Variants in PSMB9 observed in about 807,000 individuals in gnomAD.
The protein encoded by PSMB9 is proteasome subunit beta type-9.
PSMB9 carries 16 observed loss-of-function variants against 26.9 expected under a neutral mutation model. The observed-to-expected ratio is 0.59, with a 90% CI of 0.40 to 0.90. The LOEUF is 0.90. Ranked by LOEUF, PSMB9 falls within the 40% of genes least tolerant of loss-of-function variation. The pLI is 0.00. For synonymous variants in PSMB9, 91 were observed against 112.0 expected (o/e 0.81, Z 1.18); for missense variants, 253 against 292.2 (o/e 0.87, Z 0.98).
rs751085437 is a variant in PSMB9, at chr6:32,858,409, A to AT, written c.438dup (p.Gly147TrpfsTer17). On this transcript the variant is annotated frameshift_variant, in exon 5 of 6. Coordinates refer to ENST00000374859, the MANE Select transcript of PSMB9 (RefSeq NM_002800.5). LOFTEE classifies it high-confidence loss of function. This position sits in a 1 kb window ranked among gnomAD's most constrained non-coding sequence, Gnocchi z 5.2. Reference sequence around the variant, plus strand: ...AATGCTGACTCGACAGCCTTTTGCCATTGGTGGCTCCGGCAGCACCTTTAT... The same window carrying AT: ...AATGCTGACTCGACAGCCTTTTGCCATTTGGTGGCTCCGGCAGCACCTTTAT... The AT allele has an allele frequency of 6.2e-7, 1 of 1,612,994 alleles. No homozygotes were observed. Among genetic ancestry groups the AT allele is most frequent in the South Asian group, 1.1e-5 (1 of 91,076 alleles).
In PSMB9 at chr6:32,858,292, G is replaced by A. The variant is rs1582657138; in HGVS notation, c.391-72G>A. On this transcript the variant is annotated intron_variant, in intron 4 of 5. Coordinates refer to ENST00000374859, the MANE Select transcript of PSMB9 (RefSeq NM_002800.5). The surrounding 1 kb of genome is among the most constrained non-coding windows in gnomAD (Gnocchi z 5.2). ...AGATACCAGGGCTTCATTGCAGGGT[G>A]CAGAGACCACTTAATGTCTCAGTGG... 7.5e-6 allele frequency: 12 copies of A among 1,607,842 alleles called. No homozygotes were observed. Among genetic ancestry groups the A allele is most frequent in the African/African-American group, 4.0e-5 (3 of 74,914 alleles).
rs141395015 is a variant in PSMB9, at chr6:32,857,367, T to A, written c.233T>A (p.Met78Lys). ...GCTGATGCCCAAGCCGTGGCCGACA[T>A]GGCCGCCTACCAGCTGGAGCTCCAT... ...SAADAQAVADMAAYQLELHGI... is the reference protein window; with the variant it reads ...SAADAQAVADKAAYQLELHGI... The change falls in exon 3 of 6, where the codon ATG becomes AAG. Residue 78 changes from methionine to lysine, a missense_variant. By Grantham distance (95) the Met-to-Lys change is moderately conservative. Transcript: ENST00000374859. 2 of 1,612,698 alleles carry A rather than the reference T, an allele frequency of 1.2e-6. No individual in the cohort carries two copies. The highest frequency in any genetic ancestry group is 3.3e-5 in the Admixed American group (2 of 60,022).
chr6:32,857,437 C>T (rs1226735949), intron 3 of PSMB9, 43 bp downstream of exon 3: 2 of 1,592,766 alleles, frequency 1.3e-6, no homozygotes, highest in Non-Finnish European at 8.5e-7. Context: ...ACTAGAGCTC[C>T]CCCAACCTGC....
chr6:32,858,562 A>G lies in PSMB9; in HGVS notation c.532+57A>G. The G allele has an allele frequency of 6.2e-7, 1 of 1,609,312 alleles. No individual in the cohort carries two copies. The highest frequency in any genetic ancestry group is 8.5e-7 in the Non-Finnish European group (1 of 1,177,932). ...GGGCTTTGAAACATGGGAAGGAAGT[A>G]GATTATGAGGAACAGGAAGAGAAAT... On this transcript the variant is annotated intron_variant, in intron 5 of 5. Transcript: ENST00000374859. The surrounding 1 kb of genome is among the most constrained non-coding windows in gnomAD (Gnocchi z 5.2).
chr6:32,858,290 G>T lies in PSMB9; in HGVS notation c.391-74G>T. The T allele has an allele frequency of 6.2e-7, 1 of 1,607,982 alleles. No homozygotes were observed. Among genetic ancestry groups the T allele is most frequent in the Non-Finnish European group, 8.5e-7 (1 of 1,176,232 alleles). ...TGAGATACCAGGGCTTCATTGCAGGGTGCAGAGACCACTTAATGTCTCAGT... is the reference window on the plus strand; with the variant it reads ...TGAGATACCAGGGCTTCATTGCAGGTTGCAGAGACCACTTAATGTCTCAGT... On this transcript the variant is annotated intron_variant, in intron 4 of 5. Coordinates refer to ENST00000374859, the MANE Select transcript of PSMB9 (RefSeq NM_002800.5). This position sits in a 1 kb window ranked among gnomAD's most constrained non-coding sequence, Gnocchi z 5.2.
At position 32,854,222 on chromosome 6, in the gene PSMB9, T is replaced by A. The variant is rs1034254679; in HGVS notation, c.-8T>A. On this transcript the variant is annotated 5_prime_UTR_variant, in exon 1 of 6. In the 5' UTR this introduces an upstream ATG that the reference lacks. Transcript: ENST00000374859. The surrounding 1 kb of genome is among the most constrained non-coding windows in gnomAD (Gnocchi z 4.6). ...CCCAGGCGGCGAGGAGAGCGGTGCC[T>A]TGCAGGGATGCTGCGGGCGGGAGCA... is the stretch of plus-strand genomic sequence containing the variant. 1.9e-6 allele frequency: 3 copies of A among 1,545,584 alleles called. No homozygotes were observed. Among genetic ancestry groups the A allele is most frequent in the Non-Finnish European group, 2.6e-6 (3 of 1,146,348 alleles).
At chr6:32,856,426 G>A in intron 2 of PSMB9, 1 of 576,488 alleles carries the variant, frequency 1.7e-6, no homozygotes, top group Non-Finnish European at 3.1e-6. Flanking sequence ...TGTCCCAGTA[G>A]TGTACAGGGA....
At chr6:32,857,823 T>A (rs1771237625) in intron 3 of PSMB9, 182 bp from the exon 4 acceptor site, 1 of 680,168 alleles carries the variant, frequency 1.5e-6, no homozygotes, top group Non-Finnish European at 2.4e-6. Context: ...GAGTGAGCAA[T>A]TGAAAGCTTC....
rs563639885 is a variant in PSMB9, at chr6:32,854,493, C to T, written c.60+204C>T. The stretch of plus-strand genomic sequence containing the variant: ...TCGTCTAGAGTGTCCGTGAAGGGAA[C>T]AGGCACGCGAGGCTGGTGGAAAAAG... On this transcript the variant is annotated intron_variant, in intron 1 of 5. Coordinates refer to ENST00000374859, the MANE Select transcript of PSMB9 (RefSeq NM_002800.5). The surrounding 1 kb of genome is among the most constrained non-coding windows in gnomAD (Gnocchi z 4.6). Among the ~76,000 whole-genome samples, 1 of 152,252 alleles carries T rather than the reference C, an allele frequency of 6.6e-6. No individual in the cohort carries two copies.
chr6:32,857,699 G>C, intron 3 of PSMB9: 3 of 537,706 alleles, frequency 5.6e-6, no homozygotes, highest in Non-Finnish European at 9.8e-6. Flanking sequence ...ATATCAGGCA[G>C]TTACCATACG....
chr6:32,856,207 TGA>T lies in PSMB9; in HGVS notation c.128+4_128+5del. 1.2e-6 allele frequency: 2 copies of T among 1,610,962 alleles called. No individual in the cohort carries two copies. The highest frequency in any genetic ancestry group is 1.7e-6 in the Non-Finnish European group (2 of 1,178,330). ...TTCTGATTCCCGAGTGTCTGCAGGG[TGA>T]GTAAAAGTGAAGATGTATGCATTTG... On this transcript the variant is annotated splice_donor_region_variant and intron_variant, in intron 2 of 5. Transcript: ENST00000374859.
Position 32,854,415 on chromosome 6 carries a change from A to C in PSMB9, c.60+126A>C. The stretch of plus-strand genomic sequence containing the variant: ...GGAGCGCAGGGAGGTCGCCTGTAGC[A>C]GCCAGCGCTTGCAACCCGCAATGAG... On this transcript the variant is annotated intron_variant, in intron 1 of 5. Coordinates refer to ENST00000374859, the MANE Select transcript of PSMB9 (RefSeq NM_002800.5). This position sits in a 1 kb window ranked among gnomAD's most constrained non-coding sequence, Gnocchi z 4.6. 2 of 888,692 alleles carry C rather than the reference A, an allele frequency of 2.3e-6. No individual in the cohort carries two copies. Among genetic ancestry groups the C allele is most frequent in the Non-Finnish European group, 3.3e-6 (2 of 605,258 alleles). The allele number at this position is 888,692 out of a possible 1,614,324, so 55.1% of individuals were successfully genotyped here.
intron 1 of PSMB9, among the ~76,000 whole-genome samples, chr6:32,855,364 C>A (rs1771107372): frequency 6.6e-6 from 1 of 152,182 alleles, no homozygotes; most frequent in African/African-American, 2.4e-5. Context: ...CTCCTTCCAA[C>A]TCAATAGTAG....
chr6:32,857,066 G>A, intron 2 of PSMB9, 197 bp from the exon 3 acceptor site: 1 of 468,150 alleles, frequency 2.1e-6, no homozygotes, highest in Non-Finnish European at 3.7e-6. Flanking sequence ...TGGGCTTGGT[G>A]GTGGGTGCCT....
chr6:32,858,279 T>G lies in PSMB9; in HGVS notation c.391-85T>G. On this transcript the variant is annotated intron_variant, in intron 4 of 5. Transcript: ENST00000374859. This position sits in a 1 kb window ranked among gnomAD's most constrained non-coding sequence, Gnocchi z 5.2. ...CTTTGGGGATATGAGATACCAGGGC[T>G]TCATTGCAGGGTGCAGAGACCACTT... 6.2e-7 allele frequency: 1 copy of G among 1,603,098 alleles called. No homozygotes were observed.
Position 32,858,490 on chromosome 6 carries a change from C to T in PSMB9, c.517C>T (p.Arg173Cys), listed in dbSNP as rs17213861. 4.6e-3 allele frequency: 7,437 copies of T among 1,612,920 alleles called. 23 individuals are homozygous for T. The highest frequency in any genetic ancestry group is 5.7e-3 in the Non-Finnish European group (6,733 of 1,180,004). ...KPGMSPEECRRFTTDAIALAM... is the reference protein window; with the variant it reads ...KPGMSPEECRCFTTDAIALAM... ...AGGCATGTCTCCCGAGGAGTGCAGG[C>T]GCTTCACCACAGACGGTAACCAGCC... Residue 173 changes from arginine to cysteine, a missense_variant, in exon 5 of 6, where the codon CGC becomes TGC. Coordinates refer to ENST00000374859, the MANE Select transcript of PSMB9 (RefSeq NM_002800.5). The surrounding 1 kb of genome is among the most constrained non-coding windows in gnomAD (Gnocchi z 5.2).
chr6:32,855,334 T>C (rs1410400390), intron 1 of PSMB9, among the ~76,000 whole-genome samples: 1 of 152,240 alleles, frequency 6.6e-6, no homozygotes, highest in Non-Finnish European at 1.5e-5. Flanking sequence ...TTTCCTCATT[T>C]GAACCGAGGA....
chr6:32,858,076 G>C lies in PSMB9; in HGVS notation c.332G>C (p.Arg111Pro). 1.9e-6 allele frequency: 3 copies of C among 1,613,040 alleles called. No individual in the cohort carries two copies. Among genetic ancestry groups the C allele is most frequent in the Non-Finnish European group, 2.5e-6 (3 of 1,180,038 alleles). ...GTGAGAAATATCAGCTATAAATATC[G>C]AGAGGACTTGTCTGCACATCTCATG... is the stretch of plus-strand genomic sequence containing the variant. ...NVVRNISYKY[R>P]EDLSAHLMVA... Residue 111 changes from arginine (R) to proline (P), a missense_variant, in exon 4 of 6, where the codon CGA becomes CCA. Coordinates refer to ENST00000374859, the MANE Select transcript of PSMB9 (RefSeq NM_002800.5). The surrounding 1 kb of genome is among the most constrained non-coding windows in gnomAD (Gnocchi z 5.2).
intron 3 of PSMB9, 95 bp from the exon 4 acceptor site, chr6:32,857,910 C>A: frequency 6.8e-7 from 1 of 1,467,980 alleles, no homozygotes; most frequent in South Asian, 1.2e-5. Context: ...ATTGCAGTTA[C>A]AGTTTTCAGG....
Sources: gnomAD v4.1 joint callset for allele counts (sites outside exome capture counted in the v4.1 genomes callset) on GRCh38, gnomAD v4.1.1 for gene constraint, Gnocchi (gnomAD v3.1) non-coding constraint, MANE v1.5 for transcripts, NCBI Gene and HGNC (gene_info 2026-07-23, HGNC 2026-07-21) for gene names.